The following USP37 variants were observed in gnomAD, a reference collection of about 807,000 sequenced individuals.
USP37 encodes the protein ubiquitin specific peptidase 37.
A neutral mutation model predicts 124.0 loss-of-function variants in USP37; 27 were observed. The observed-to-expected ratio is 0.22, with a 90% CI of 0.16 to 0.30. USP37 has a LOEUF of 0.30. Ranked by LOEUF, USP37 falls within the 10% of genes least tolerant of loss-of-function variation. The pLI, the probability that USP37 is intolerant of heterozygous loss-of-function variation, is 1.00. For synonymous variants in USP37, 365 were observed against 388.0 expected (o/e 0.94, Z 0.70); for missense variants, 889 against 1,140.4 (o/e 0.78, Z 3.17).
chr2:218,484,546 C>T (rs1340579321), intron 16 of USP37, among the ~76,000 whole-genome samples: 3 of 151,922 alleles, frequency 2.0e-5, no homozygotes, highest in South Asian at 2.1e-4. Context: ...CGCTTGAACC[C>T]GTGAGGCAGA....
intron 4 of USP37, among the ~76,000 whole-genome samples, chr2:218,557,950 A>AAAG (rs3074257): frequency 4.2e-5 from 6 of 143,904 alleles, no homozygotes; most frequent in South Asian, 2.3e-4. Flanking sequence ...AAAAAAAAAA[A>AAAG]GGTGAAAAGA....
intron 8 of USP37, among the ~76,000 whole-genome samples, chr2:218,536,285 C>A (rs1691642058): frequency 6.6e-6 from 1 of 152,078 alleles, no homozygotes; most frequent in Non-Finnish European, 1.5e-5. Context: ...TAAGGGGAAC[C>A]ATCATGAACT....
rs556963816 is a variant in USP37, at chr2:218,492,972, A to G, written c.1472+2788T>C. ...TAGTAAGCTATGACTGCACCACTGC[A>G]CTCCAGCCTGGGTGACAGAGCAAGA... is the stretch of plus-strand genomic sequence containing the variant. On this transcript the variant is annotated intron_variant, in intron 14 of 25. Transcript: ENST00000258399. Among the ~76,000 whole-genome samples the G allele has an allele frequency of 6.6e-5, 10 of 152,084 alleles. No homozygotes were observed. The South Asian group carries it at 1.7e-3, about 25-fold the overall frequency.
At chr2:218,551,379 ACTTACTGAGTGC>A (rs1692657091) in intron 5 of USP37, among the ~76,000 whole-genome samples, 2 of 152,236 alleles carry the variant, frequency 1.3e-5, no homozygotes, top group South Asian at 4.1e-4. Context: ...AACGCCAATG[ACTTACTGAGTGC>A]CTAGCATAGG....
chr2:218,556,125 A>G (rs1692956736), intron 4 of USP37, among the ~76,000 whole-genome samples: 1 of 152,270 alleles, frequency 6.6e-6, no homozygotes, highest in African/African-American at 2.4e-5. Context: ...TGCTTTCCTT[A>G]TGACAAACAA....
chr2:218,518,206 A>G (rs934482477), intron 10 of USP37, among the ~76,000 whole-genome samples: 2 of 152,144 alleles, frequency 1.3e-5, no homozygotes, highest in Non-Finnish European at 2.9e-5. Context: ...AAAAAATCCA[A>G]AACAGATTTG....
chr2:218,503,367 A>AT (rs1226931804), intron 11 of USP37, among the ~76,000 whole-genome samples: 4 of 152,276 alleles, frequency 2.6e-5, no homozygotes, highest in Non-Finnish European at 5.9e-5. Context: ...CGGTACGTGA[A>AT]TTTTTAAGGC....
chr2:218,564,372 G>A (rs542793447), intron 1 of USP37, among the ~76,000 whole-genome samples: 1 of 152,270 alleles, frequency 6.6e-6, no homozygotes, highest in African/African-American at 2.4e-5. Context: ...TTTCACAGAT[G>A]AGGAAACTGA....
chr2:218,471,250 AT>A (rs1690670400), intron 20 of USP37, among the ~76,000 whole-genome samples: 1 of 152,148 alleles, frequency 6.6e-6, no homozygotes, highest in African/African-American at 2.4e-5. Context: ...GATAATTGGC[AT>A]TTCCAGGAAG....
At chr2:218,505,429 C>T (rs1367354631) in intron 11 of USP37, among the ~76,000 whole-genome samples, 8 of 152,168 alleles carry the variant, frequency 5.3e-5, no homozygotes, top group Non-Finnish European at 1.0e-4. Flanking sequence ...CAATGTTTCT[C>T]CAGTTACTCT....
At chr2:218,536,403 G>A (rs1225612193) in intron 8 of USP37, among the ~76,000 whole-genome samples, 2 of 152,140 alleles carry the variant, frequency 1.3e-5, no homozygotes, top group Non-Finnish European at 2.9e-5. Context: ...TTGATAGCCA[G>A]TACCAAGGGC....
At chr2:218,546,848 A>C in intron 7 of USP37, 71 bp downstream of exon 7, 1 of 1,498,382 alleles carries the variant, frequency 6.7e-7, no homozygotes, top group Non-Finnish European at 9.1e-7. Context: ...TCCTCAAATT[A>C]CTGGTATTTC....
rs1239287718 is a variant in USP37, at chr2:218,510,004, A to G, written c.1000T>C (p.Ser334Pro). 2 of 1,585,340 alleles carry G rather than the reference A, an allele frequency of 1.3e-6. No homozygotes were observed. The highest frequency in any genetic ancestry group is 2.3e-5 in the East Asian group (1 of 44,268). ...CCCTGCAGTTGCTGCTGTTGGTGAG[A>G]GGAAAGGGGCACTCTTGGTTTATTC... ...GWNKPRVPLS[S>P]HQQQQLQGFS... The change falls in exon 11 of 26, where the codon TCT becomes CCT. Residue 334 changes from serine (S) to proline (P), a missense_variant. Ser to Pro is a moderately conservative substitution (Grantham distance 74, BLOSUM62 -1). Transcript: ENST00000258399.
In USP37 at chr2:218,452,998, A is replaced by T. The variant is rs1223623944; in HGVS notation, c.*1932T>A. On this transcript the variant is annotated 3_prime_UTR_variant, in exon 26 of 26. Transcript: ENST00000258399. The stretch of plus-strand genomic sequence containing the variant: ...AAACAAATATTTTCCTCTGCTCTAA[A>T]CTACTCTGGCGTTTTCTACCACTCT... 6.6e-6 allele frequency: 1 copy of T among 152,100 alleles called. No individual in the cohort carries two copies. Among genetic ancestry groups the T allele is most frequent in the African/African-American group, 2.4e-5 (1 of 41,396 alleles). The allele number at this position is 152,100 out of a possible 1,614,324, so 9.4% of individuals were successfully genotyped here.
At chr2:218,560,290 A>G (rs956382224) in intron 3 of USP37, among the ~76,000 whole-genome samples, 1 of 152,222 alleles carries the variant, frequency 6.6e-6, no homozygotes, top group Non-Finnish European at 1.5e-5. Flanking sequence ...GAAAAGCCAG[A>G]AAGGCTAGTA....
intron 18 of USP37, 79 bp downstream of exon 18, chr2:218,479,571 G>A (rs1691138494): frequency 8.7e-7 from 1 of 1,151,338 alleles, no homozygotes; most frequent in African/African-American, 1.5e-5. Flanking sequence ...ATAATGAAAA[G>A]GCAGGGAGGC....
Position 218,553,612 on chromosome 2 carries a change from T to C in USP37, c.269A>G (p.Lys90Arg). 1.2e-6 allele frequency: 2 copies of C among 1,613,960 alleles called. No homozygotes were observed. The highest frequency in any genetic ancestry group is 8.5e-7 in the Non-Finnish European group (1 of 1,179,936). The change falls in exon 5 of 26, where the codon AAG (lysine) becomes AGG (arginine). Residue 90 changes from lysine to arginine, a missense_variant. Around this residue, in one of 3 missense-constraint regions of USP37, gnomAD observed 374 missense variants for 386.0 expected, o/e 0.97. Coordinates refer to ENST00000258399, the MANE Select transcript of USP37 (RefSeq NM_020935.3). ...AAACAACCTCATTTCCTCTGCATCC[T>C]TACTTGGTACTTTGTCAATAGACAA... ...SFLSIDKVPS[K>R]DAEEMRLFLD...
intron 13 of USP37, among the ~76,000 whole-genome samples, chr2:218,497,428 C>A (rs572598891): frequency 1.2e-4 from 18 of 151,828 alleles, no homozygotes; most frequent in Admixed American, 7.2e-4. Context: ...GAGTCTTGCT[C>A]TGTCACCCAG....
chr2:218,510,108 T>C lies in USP37; in HGVS notation c.896A>G (p.Lys299Arg). The C allele has an allele frequency of 6.2e-7, 1 of 1,612,572 alleles. No individual in the cohort carries two copies. Among genetic ancestry groups the C allele is most frequent in the Admixed American group, 1.7e-5 (1 of 59,810 alleles). ...TNVSSQTPSA[K>R]RSLGFLPQPV... is the part of the protein sequence containing the mutation. Reference sequence around the variant, plus strand: ...CTGAGGAAGAAATCCCAAACTTCTTTTGGCAGAGGGAGTCTGGCTTGAAAC... The same window carrying C: ...CTGAGGAAGAAATCCCAAACTTCTTCTGGCAGAGGGAGTCTGGCTTGAAAC... The change falls in exon 11 of 26, where the codon AAA becomes AGA. Residue 299 changes from lysine (K) to arginine (R), a missense_variant. Lys to Arg is a conservative substitution (Grantham distance 26). Coordinates refer to ENST00000258399, the MANE Select transcript of USP37 (RefSeq NM_020935.3).
Sources: allele counts gnomAD v4.1 joint callset (sites outside exome capture counted in the v4.1 genomes callset), GRCh38; gene constraint gnomAD v4.1.1; regional missense constraint gnomAD v4.1.1; transcripts MANE v1.5; gene names NCBI Gene and HGNC (gene_info 2026-07-23, HGNC 2026-07-21).